MOB3B: variants seen among roughly 807,000 people sequenced by gnomAD.
MOB3B encodes the protein MOB kinase activator-like 2B.
A neutral mutation model predicts 18.7 loss-of-function variants in MOB3B; 7 were observed. The observed-to-expected ratio is 0.37, with a 90% CI of 0.21 to 0.70. The LOEUF is 0.70. Ranked by LOEUF, MOB3B falls within the 30% of genes least tolerant of loss-of-function variation. The pLI, the probability that MOB3B is intolerant of heterozygous loss-of-function variation, is 0.52. For synonymous variants in MOB3B, 111 were observed against 99.9 expected (o/e 1.11, Z -0.66); for missense variants, 253 against 281.3 (o/e 0.90, Z 0.72).
At chr9:27,510,481 TAGTA>T (rs1174031897) in intron 1 of MOB3B, among the ~76,000 whole-genome samples, 2 of 152,226 alleles carry the variant, frequency 1.3e-5, no homozygotes, top group Admixed American at 6.5e-5. Context: ...CTCAGGATAT[TAGTA>T]AGTGTGATCT....
intron 2 of MOB3B, among the ~76,000 whole-genome samples, chr9:27,429,999 C>A (rs1434859880): frequency 1.3e-5 from 2 of 152,192 alleles, no homozygotes; most frequent in South Asian, 4.1e-4. Context: ...TATGGAGGCC[C>A]TTTGCTCCAA....
At chr9:27,396,123 C>G (rs922302366) in intron 2 of MOB3B, among the ~76,000 whole-genome samples, 1 of 152,100 alleles carries the variant, frequency 6.6e-6, no homozygotes, top group African/African-American at 2.4e-5. Flanking sequence ...ATTTCAGGTT[C>G]CTTTCCTGAT....
chr9:27,395,083 T>G (rs1481745218), intron 2 of MOB3B, among the ~76,000 whole-genome samples: 3 of 152,234 alleles, frequency 2.0e-5, no homozygotes, highest in African/African-American at 7.2e-5. Context: ...ATCTGTACTT[T>G]GTTTGGGGGG....
chr9:27,326,533 C>A lies in MOB3B; in HGVS notation c.*4054G>T, dbSNP rs1820714335. Reference sequence around the variant, plus strand: ...TGGAGGGTTCAGTGGGTTGGTTATACCAAAGAATGCTATAGAATTTCCATG... The same window carrying A: ...TGGAGGGTTCAGTGGGTTGGTTATAACAAAGAATGCTATAGAATTTCCATG... On this transcript the variant is annotated 3_prime_UTR_variant, in exon 4 of 4. Transcript: ENST00000262244. 1 of 398,338 alleles carries A rather than the reference C, an allele frequency of 2.5e-6. No individual in the cohort carries two copies. Among genetic ancestry groups the A allele is most frequent in the Admixed American group, 4.4e-5 (1 of 22,708 alleles). 24.7% of individuals were successfully genotyped at this position (398,338 alleles called of 1,614,324 possible). A position where few individuals can be genotyped will look rare whatever the true frequency, so the allele number is the denominator to read the frequency against.
intron 1 of MOB3B, chr9:27,526,401 T>C (rs1383445415): frequency 6.6e-6 from 1 of 152,230 alleles, no homozygotes; most frequent in Non-Finnish European, 1.5e-5. Flanking sequence ...TACAAGCTTG[T>C]AAAGGAGTTA....
intron 2 of MOB3B, among the ~76,000 whole-genome samples, chr9:27,420,658 T>C (rs1336874068): frequency 7.0e-5 from 10 of 143,160 alleles, no homozygotes; most frequent in South Asian, 4.5e-4. Flanking sequence ...CCGGATGAGA[T>C]TGGAGACTAT....
chr9:27,450,365 A>T (rs1443392403), intron 2 of MOB3B, among the ~76,000 whole-genome samples: 3 of 152,114 alleles, frequency 2.0e-5, no homozygotes, highest in Non-Finnish European at 4.4e-5. Context: ...ATTAATAATA[A>T]ATGGCATTAC....
intron 1 of MOB3B, among the ~76,000 whole-genome samples, chr9:27,525,716 ATCTG>A (rs757496867): frequency 1.3e-5 from 2 of 152,206 alleles, no homozygotes; most frequent in Non-Finnish European, 2.9e-5. Context: ...ATGGTACAGA[ATCTG>A]TCTTTTACTG....
chr9:27,461,935 A>G lies in MOB3B; in HGVS notation c.-198-6187T>C, dbSNP rs368121806. On this transcript the variant is annotated intron_variant, in intron 1 of 3. Coordinates refer to ENST00000262244, the MANE Select transcript of MOB3B (RefSeq NM_024761.5). ...GGATTTGTTTGGTATGGTTTGAAAC[A>G]TTACCTACTGACAGTCCATGGAACA... 3.1e-4 allele frequency among the ~76,000 whole-genome samples: 47 copies of G among 152,334 alleles called. No homozygotes were observed. The South Asian group carries it at 7.0e-3, about 23-fold the overall frequency.
chr9:27,444,266 A>AGGAAGGAG (rs1563870197), intron 2 of MOB3B, among the ~76,000 whole-genome samples: 3 of 126,282 alleles, frequency 2.4e-5, no homozygotes, highest in Non-Finnish European at 4.9e-5. Context: ...GAAGGAAGGA[A>AGGAAGGAG]GGAGGGAGGG....
chr9:27,340,455 C>A (rs760604289), intron 3 of MOB3B, among the ~76,000 whole-genome samples: 3 of 152,216 alleles, frequency 2.0e-5, no homozygotes, highest in Non-Finnish European at 4.4e-5. Context: ...CATTTAACCA[C>A]AGGAGATGGG....
At chr9:27,331,559 T>C (rs566629555) in intron 3 of MOB3B, among the ~76,000 whole-genome samples, 121 of 152,332 alleles carry the variant, frequency 7.9e-4, no homozygotes, top group Non-Finnish European at 1.4e-3. Context: ...GAAGCACTCA[T>C]TGAATCGCCC....
rs139482632 is a variant in MOB3B at position 27,509,939 on chromosome 9, G to A, written c.-199+19616C>T. On this transcript the variant is annotated intron_variant, in intron 1 of 3. Coordinates refer to ENST00000262244, the MANE Select transcript of MOB3B (RefSeq NM_024761.5). ...GGGGTTTCACCATATTGCCCAGGCT[G>A]GTCTCGAAGTCCTGACCTCAGATGA... Among the ~76,000 whole-genome samples the A allele has an allele frequency of 4.7e-3, 716 of 152,288 alleles. 5 individuals carry two copies. The highest frequency in any genetic ancestry group is 0.015 in the African/African-American group (642 of 41,556).
chr9:27,476,520 C>G (rs1819555791), intron 1 of MOB3B, among the ~76,000 whole-genome samples: 1 of 152,184 alleles, frequency 6.6e-6, no homozygotes, highest in African/African-American at 2.4e-5. Flanking sequence ...CCACCCGACT[C>G]CAGTATGACC....
At chr9:27,527,710 C>T (rs569747178) in intron 1 of MOB3B, among the ~76,000 whole-genome samples, 41 of 152,336 alleles carry the variant, frequency 2.7e-4, no homozygotes, top group Non-Finnish European at 5.7e-4. Context: ...CTGGCAACAG[C>T]AAGTCAACTG....
intron 2 of MOB3B, among the ~76,000 whole-genome samples, chr9:27,383,873 G>T (rs895219578): frequency 2.0e-5 from 3 of 152,090 alleles, no homozygotes; most frequent in African/African-American, 7.2e-5. Flanking sequence ...GTATTGTCTA[G>T]CATTTCCCCA....
chr9:27,376,379 A>G (rs1484840134), intron 2 of MOB3B, among the ~76,000 whole-genome samples: 1 of 152,238 alleles, frequency 6.6e-6, no homozygotes, highest in Non-Finnish European at 1.5e-5. Flanking sequence ...TGTTTGTTTC[A>G]TAGAAAATAT....
chr9:27,410,657 G>A (rs1822052848), intron 2 of MOB3B, among the ~76,000 whole-genome samples: 1 of 152,136 alleles, frequency 6.6e-6, no homozygotes, highest in South Asian at 2.1e-4. Flanking sequence ...ACTTGCTAAT[G>A]AAAAGGGGCC....
intron 1 of MOB3B, among the ~76,000 whole-genome samples, chr9:27,512,555 T>C (rs1820162929): frequency 6.6e-6 from 1 of 152,154 alleles, no homozygotes; most frequent in Admixed American, 6.5e-5. Context: ...ATTTATTTAG[T>C]TTTTCTGTGA....
Sources: gnomAD v4.1 joint callset for allele counts (sites outside exome capture counted in the v4.1 genomes callset) on GRCh38, gnomAD v4.1.1 for gene constraint, MANE v1.5 for transcripts, NCBI Gene and HGNC (gene_info 2026-07-23, HGNC 2026-07-21) for gene names.